STK38: variants seen among roughly 807,000 people sequenced by gnomAD.
STK38 encodes serine/threonine kinase 38.
STK38 carries 26 observed loss-of-function variants against 59.0 expected under a neutral mutation model. The ratio of observed to expected loss-of-function variants is 0.44; its 90% CI spans 0.32 to 0.61. The LOEUF is 0.61. STK38 is among the 20% of genes least tolerant of loss of function. The pLI is 0.04. For synonymous variants in STK38, 175 were observed against 176.6 expected (o/e 0.99, Z 0.07); for missense variants, 433 against 566.0 (o/e 0.76, Z 2.38).
rs1182370866 is a variant in STK38, at chr6:36,494,057, C to G, written c.*1727G>C. 1 of 152,258 alleles carries G rather than the reference C, an allele frequency of 6.6e-6. No homozygotes were observed. Among genetic ancestry groups the G allele is most frequent in the African/African-American group, 2.4e-5 (1 of 41,452 alleles). 9.4% of individuals were successfully genotyped at this position (152,258 alleles called of 1,614,324 possible). The stretch of plus-strand genomic sequence containing the variant: ...TTCTTGCAAAACACACAGGAGTCAA[C>G]ACCCCAACTATTTGGTAATACAAAG... On this transcript the variant is annotated 3_prime_UTR_variant, in exon 14 of 14. Transcript: ENST00000229812.
At chr6:36,506,689 T>C (rs751400190) in intron 8 of STK38, 45 bp from the exon 9 acceptor site, 8 of 1,571,710 alleles carry the variant, frequency 5.1e-6, no homozygotes, top group South Asian at 2.3e-5. Flanking sequence ...CAGACCAAAA[T>C]GTTTACTACT....
intron 1 of STK38, among the ~76,000 whole-genome samples, chr6:36,541,963 A>C (rs963189387): frequency 6.6e-6 from 1 of 151,842 alleles, no homozygotes; most frequent in East Asian, 1.9e-4. Context: ...CAAGTAGTTA[A>C]GATGACAGGC....
intron 1 of STK38, among the ~76,000 whole-genome samples, chr6:36,543,890 T>C (rs1412599075): frequency 1.3e-5 from 2 of 152,162 alleles, no homozygotes; most frequent in Non-Finnish European, 2.9e-5. Flanking sequence ...TGCCTGGGCC[T>C]CCCAAAGTGC....
intron 2 of STK38, among the ~76,000 whole-genome samples, chr6:36,528,273 TC>T (rs1777582047): frequency 6.6e-6 from 1 of 152,124 alleles, no homozygotes; most frequent in Non-Finnish European, 1.5e-5. Context: ...TGATAAGATT[TC>T]TATTTTAGAA....
chr6:36,527,268 A>G (rs757027505), intron 2 of STK38, among the ~76,000 whole-genome samples: 34 of 147,512 alleles, frequency 2.3e-4, no homozygotes, highest in Middle Eastern at 3.3e-3. Context: ...GTATATATGT[A>G]CACATGTATA....
At position 36,497,846 on chromosome 6, in the gene STK38, C is replaced by T; in HGVS notation, c.1106G>A (p.Gly369Glu). The T allele has an allele frequency of 6.2e-7, 1 of 1,613,840 alleles. No individual in the cohort carries two copies. The highest frequency in any genetic ancestry group is 8.5e-7 in the Non-Finnish European group (1 of 1,179,958). ...RFCCEWEHRI[G>E]APGVEEIKSN... ...TTTTATTTCCTCAACTCCAGGAGCT[C>T]CAATTCTATGTTCCCATTCACAGCA... The change falls in exon 12 of 14, where the codon GGA becomes GAA. Residue 369 changes from glycine (G) to glutamate (E), a missense_variant. Coordinates refer to ENST00000229812, the MANE Select transcript of STK38 (RefSeq NM_007271.4).
chr6:36,535,673 C>T (rs1421375797), intron 2 of STK38, among the ~76,000 whole-genome samples: 1 of 151,780 alleles, frequency 6.6e-6, no homozygotes, highest in African/African-American at 2.4e-5. Flanking sequence ...GTCAGGAGAT[C>T]GAGACCATCC....
intron 9 of STK38, among the ~76,000 whole-genome samples, chr6:36,505,171 A>C (rs1438442943): frequency 2.0e-5 from 3 of 152,194 alleles, no homozygotes; most frequent in African/African-American, 7.2e-5. Context: ...CTGGACATCA[A>C]CATGTTCTGA....
At chr6:36,536,787 C>T (rs958316321) in intron 2 of STK38, among the ~76,000 whole-genome samples, 1 of 151,868 alleles carries the variant, frequency 6.6e-6, no homozygotes, top group African/African-American at 2.4e-5. Flanking sequence ...CCGCCCACCT[C>T]GGCCTCCCAA....
intron 9 of STK38, among the ~76,000 whole-genome samples, chr6:36,501,056 G>T (rs1038122275): frequency 4.6e-5 from 7 of 152,118 alleles, no homozygotes; most frequent in African/African-American, 1.7e-4. Context: ...AGGCTCAAGA[G>T]ATCCTCCCAC....
chr6:36,494,110 C>G lies in STK38; in HGVS notation c.*1674G>C, dbSNP rs1230417646. The G allele has an allele frequency of 6.6e-6, 1 of 152,218 alleles. No individual in the cohort carries two copies. Among genetic ancestry groups the G allele is most frequent in the Non-Finnish European group, 1.5e-5 (1 of 68,038 alleles). 9.4% of individuals were successfully genotyped at this position (152,218 alleles called of 1,614,324 possible). On this transcript the variant is annotated 3_prime_UTR_variant, in exon 14 of 14. Transcript: ENST00000229812. The stretch of plus-strand genomic sequence containing the variant: ...ACTACAAAGTCACACAAAAGAATCT[C>G]ATTTACTTCCTTTTCACTAGCAGGC...
intron 9 of STK38, among the ~76,000 whole-genome samples, chr6:36,503,748 C>T (rs945300418): frequency 5.9e-5 from 9 of 152,258 alleles, no homozygotes; most frequent in African/African-American, 1.9e-4. Flanking sequence ...AAACTCTTAA[C>T]GAGTTATAAA....
chr6:36,541,703 T>C (rs535639365), intron 1 of STK38, among the ~76,000 whole-genome samples: 25 of 152,362 alleles, frequency 1.6e-4, no homozygotes, highest in Non-Finnish European at 3.4e-4. Flanking sequence ...CAATTTTCTT[T>C]ATGTGTTTAC....
chr6:36,532,840 A>G (rs1302812413), intron 2 of STK38, among the ~76,000 whole-genome samples: 1 of 152,120 alleles, frequency 6.6e-6, no homozygotes, highest in African/African-American at 2.4e-5. Context: ...CAGCAACTGC[A>G]GTGAGCCGAG....
intron 7 of STK38, among the ~76,000 whole-genome samples, chr6:36,511,239 T>C (rs1402731293): frequency 6.6e-6 from 1 of 152,198 alleles, no homozygotes; most frequent in African/African-American, 2.4e-5. Flanking sequence ...TTTTATTATG[T>C]TTTGTTTTAA....
rs760949624 is a variant in STK38, at chr6:36,530,691, C to CTT, written c.132-5051_132-5050dup. Among the ~76,000 whole-genome samples, 726 of 122,644 alleles carry CTT rather than the reference C, an allele frequency of 5.9e-3. 8 individuals are homozygous for CTT. Among genetic ancestry groups the CTT allele is most frequent in the African/African-American group, 0.024 (693 of 29,358 alleles). 80.5% of individuals were successfully genotyped at this position (122,644 alleles called of 152,430 possible). ...CTTTTTCCTTTTTTTCTTTTCTTTT[C>CTT]TTTTTTTTTTTTTTTGGAGACAAGA... On this transcript the variant is annotated intron_variant, in intron 2 of 13. Coordinates refer to ENST00000229812, the MANE Select transcript of STK38 (RefSeq NM_007271.4).
chr6:36,525,081 G>C (rs1328087104), intron 3 of STK38, among the ~76,000 whole-genome samples: 1 of 152,086 alleles, frequency 6.6e-6, no homozygotes, highest in African/African-American at 2.4e-5. Context: ...TCGGGGCATG[G>C]GGGGAAAGGG....
At chr6:36,498,582 C>CTTTTTTTTTTTT (rs1219622406) in intron 10 of STK38, 96 bp from the exon 11 acceptor site, 19 of 1,039,232 alleles carry the variant, frequency 1.8e-5, no homozygotes, top group South Asian at 7.3e-5. Context: ...CTTTTTTTTT[C>CTTTTTTTTTTTT]TTTTTTCTTT....
At chr6:36,537,818 G>A (rs1198496441) in intron 2 of STK38, among the ~76,000 whole-genome samples, 1 of 151,910 alleles carries the variant, frequency 6.6e-6, no homozygotes, top group East Asian at 1.9e-4. Context: ...AGGATCGCTT[G>A]AGCCTGGGAG....
Sources: allele counts gnomAD v4.1 joint callset (sites outside exome capture counted in the v4.1 genomes callset), GRCh38; gene constraint gnomAD v4.1.1; transcripts MANE v1.5; gene names NCBI Gene and HGNC (gene_info 2026-07-23, HGNC 2026-07-21).